TNPO2: variants seen among roughly 807,000 people sequenced by gnomAD.
TNPO2 encodes transportin 2, also known as transportin-2.
Under a neutral mutation model 111.1 loss-of-function variants are expected in TNPO2, and 16 were observed. That is an observed-to-expected ratio of 0.14 (90% CI 0.10 to 0.22). The LOEUF is 0.22. Ranked by LOEUF, TNPO2 falls within the 10% of genes least tolerant of loss-of-function variation. TNPO2 has a pLI of 1.00. For synonymous variants in TNPO2, 481 were observed against 475.8 expected (o/e 1.01, Z -0.14); for missense variants, 530 against 1,173.7 (o/e 0.45, Z 8.01).
chr19:12,707,702 T>C (rs1392779247), intron 13 of TNPO2, among the ~76,000 whole-genome samples: 3 of 151,912 alleles, frequency 2.0e-5, no homozygotes, highest in Non-Finnish European at 4.4e-5. Flanking sequence ...TTGGCTAGAC[T>C]GGTCTTAAAA....
At chr19:12,716,265 C>A (rs2026362257) in intron 5 of TNPO2, among the ~76,000 whole-genome samples, 1 of 152,102 alleles carries the variant, frequency 6.6e-6, no homozygotes, top group African/African-American at 2.4e-5. Context: ...CAGCACAGAG[C>A]AAAACACAAA....
chr19:12,708,373 C>T (rs1209289466), intron 13 of TNPO2, among the ~76,000 whole-genome samples: 2 of 146,204 alleles, frequency 1.4e-5, no homozygotes, highest in African/African-American at 2.5e-5. Flanking sequence ...ATCAGGTGAT[C>T]CACCCGCCTT....
chr19:12,702,928 C>A lies in TNPO2; in HGVS notation c.2210-10G>T. Reference sequence around the variant, plus strand: ...GGCTGCATCTCTGCCCCTGGGGGAGCACCCAGTCAGAGCCCTGCACAGCCC... The same window carrying A: ...GGCTGCATCTCTGCCCCTGGGGGAGAACCCAGTCAGAGCCCTGCACAGCCC... On this transcript the variant is annotated splice_polypyrimidine_tract_variant and intron_variant, in intron 20 of 25. Transcript: ENST00000425528. The surrounding 1 kb of genome is among the most constrained non-coding windows in gnomAD (Gnocchi z 5.5). 6.2e-7 allele frequency: 1 copy of A among 1,613,240 alleles called. No individual in the cohort carries two copies. The highest frequency in any genetic ancestry group is 8.5e-7 in the Non-Finnish European group (1 of 1,179,316).
At chr19:12,713,166 G>A (rs1022198833) in intron 10 of TNPO2, among the ~76,000 whole-genome samples, 2 of 152,146 alleles carry the variant, frequency 1.3e-5, no homozygotes, top group Non-Finnish European at 2.9e-5. Flanking sequence ...AGGGACATGC[G>A]GTCCTATTCC....
At chr19:12,709,311 A>G (rs8109840) in intron 13 of TNPO2, among the ~76,000 whole-genome samples, 23,809 of 152,060 alleles carry the variant, frequency 0.16, 5,694 homozygotes, top group African/African-American at 0.51. Flanking sequence ...GCAGTGAGCC[A>G]AGATCATGCC....
intron 10 of TNPO2, 73 bp downstream of exon 10, chr19:12,714,748 G>T: frequency 2.6e-6 from 3 of 1,172,286 alleles, no homozygotes; most frequent in African/African-American, 1.5e-5. Context: ...CACAGCAGGT[G>T]ACCAGAAGGG....
At position 12,700,840 on chromosome 19, in the gene TNPO2, G is replaced by A. The variant is rs926471787; in HGVS notation, c.*424C>T. On this transcript the variant is annotated 3_prime_UTR_variant, in exon 26 of 26. Transcript: ENST00000425528. ...CTCGCCGGTTATGGCACCCGCACAT[G>A]CGTGTGGCCATGTGTGTCCGTGTGA... 3 of 156,296 alleles carry A rather than the reference G, an allele frequency of 1.9e-5. No homozygotes were observed. Among genetic ancestry groups the A allele is most frequent in the African/African-American group, 7.2e-5 (3 of 41,518 alleles). 9.7% of individuals were successfully genotyped at this position (156,296 alleles called of 1,614,324 possible).
chr19:12,702,267 T>A lies in TNPO2; in HGVS notation c.2306-90A>T. On this transcript the variant is annotated intron_variant, in intron 21 of 25. Coordinates refer to ENST00000425528, the MANE Select transcript of TNPO2 (RefSeq NM_001382241.1). The surrounding 1 kb of genome is among the most constrained non-coding windows in gnomAD (Gnocchi z 5.5). ...GCCCCATGAGCCCCAAGGGAATGGC[T>A]ACTGCAGCCACCCTGGTCCCCCAAG... 1.8e-6 allele frequency: 2 copies of A among 1,132,672 alleles called. No homozygotes were observed. Among genetic ancestry groups the A allele is most frequent in the South Asian group, 1.4e-5 (1 of 73,508 alleles). 70.2% of individuals were successfully genotyped at this position (1,132,672 alleles called of 1,614,324 possible).
At chr19:12,707,517 T>C (rs2025766548) in intron 13 of TNPO2, among the ~76,000 whole-genome samples, 1 of 128,328 alleles carries the variant, frequency 7.8e-6, no homozygotes, top group Non-Finnish European at 1.6e-5. Flanking sequence ...TGAGATGGAG[T>C]CTTGCTCTGT....
Position 12,719,377 on chromosome 19 carries a change from C to T in TNPO2, c.100-41G>A, listed in dbSNP as rs1203379975. On this transcript the variant is annotated intron_variant, in intron 3 of 25. Transcript: ENST00000425528. The surrounding 1 kb of genome is among the most constrained non-coding windows in gnomAD (Gnocchi z 5.0). ...GGGACTTGGAAGACAGAGGCCTTCC[C>T]CCAGCCAGGTCCCCTCATTATGTAC... 1.3e-6 allele frequency: 2 copies of T among 1,563,468 alleles called. No homozygotes were observed. The highest frequency in any genetic ancestry group is 2.2e-5 in the South Asian group (2 of 89,470).
chr19:12,704,617 AC>A (rs1013694985), intron 18 of TNPO2, among the ~76,000 whole-genome samples: 35 of 152,206 alleles, frequency 2.3e-4, no homozygotes, highest in African/African-American at 6.8e-4. Flanking sequence ...GGGATGTAGA[AC>A]CCACAGATAC....
intron 3 of TNPO2, among the ~76,000 whole-genome samples, chr19:12,720,414 G>A (rs907548125): frequency 5.9e-5 from 9 of 151,990 alleles, no homozygotes; most frequent in African/African-American, 1.7e-4. Flanking sequence ...TCTACCTCCT[G>A]GGCTCTAGCC....
rs929163311 is a variant in TNPO2, at chr19:12,712,670, A to G, written c.891-1057T>C. On this transcript the variant is annotated intron_variant, in intron 10 of 25. Coordinates refer to ENST00000425528, the MANE Select transcript of TNPO2 (RefSeq NM_001382241.1). ...CCCCTGTCCAGTGGACACGTGACCC[A>G]TGTGACCTTACCTATCATTGGAGGT... Among the ~76,000 whole-genome samples, 10 of 152,290 alleles carry G rather than the reference A, an allele frequency of 6.6e-5. No homozygotes were observed. The East Asian group carries it at 1.9e-3, about 29-fold the overall frequency.
In TNPO2 at chr19:12,714,943, T is replaced by G. The variant is rs781674447; in HGVS notation, c.772-4A>C. 6.2e-7 allele frequency: 1 copy of G among 1,607,932 alleles called. No homozygotes were observed. Among genetic ancestry groups the G allele is most frequent in the South Asian group, 1.1e-5 (1 of 90,464 alleles). ...CCTGGGTCCTCTGCAGCATGTACTG[T>G]GGTAGGGGGGAGAAGCTGAGGCCTG... On this transcript the variant is annotated splice_polypyrimidine_tract_variant and splice_region_variant and intron_variant, in intron 9 of 25. Transcript: ENST00000425528.
chr19:12,715,342 C>T lies in TNPO2; in HGVS notation c.567-18G>A, dbSNP rs557583919. 3.2e-5 allele frequency: 51 copies of T among 1,613,684 alleles called. No individual in the cohort carries two copies. The highest frequency in any genetic ancestry group is 1.6e-4 in the Middle Eastern group (1 of 6,084). ...CGTGGGACCTGGCGGGGAGCAGACA[C>T]GTGGGTCACCCTGACCCTGCCCACT... On this transcript the variant is annotated intron_variant, in intron 7 of 25. Transcript: ENST00000425528. The surrounding 1 kb of genome is among the most constrained non-coding windows in gnomAD (Gnocchi z 7.1).
At chr19:12,717,365 G>A (rs892478644) in intron 5 of TNPO2, among the ~76,000 whole-genome samples, 1 of 144,880 alleles carries the variant, frequency 6.9e-6, no homozygotes, top group Admixed American at 7.2e-5. Context: ...TCCACCTCCC[G>A]AGTTCAGGTA....
At chr19:12,707,339 T>G (rs2025744258) in intron 13 of TNPO2, among the ~76,000 whole-genome samples, 1 of 152,164 alleles carries the variant, frequency 6.6e-6, no homozygotes. Context: ...CATGCATTAA[T>G]TCATGTGTTA....
intron 12 of TNPO2, among the ~76,000 whole-genome samples, chr19:12,711,007 G>A (rs2026007958): frequency 1.3e-5 from 2 of 152,116 alleles, no homozygotes; most frequent in South Asian, 4.1e-4. Flanking sequence ...CCGTTTTCCT[G>A]CCTCAGCCTC....
At chr19:12,714,536 T>A (rs1258367253) in intron 10 of TNPO2, among the ~76,000 whole-genome samples, 1 of 152,078 alleles carries the variant, frequency 6.6e-6, no homozygotes, top group Non-Finnish European at 1.5e-5. Flanking sequence ...CTGGTCTCGA[T>A]CTTCTGACCT....
Sources: allele counts gnomAD v4.1 joint callset (sites outside exome capture counted in the v4.1 genomes callset), GRCh38; gene constraint gnomAD v4.1.1; non-coding constraint Gnocchi (gnomAD v3.1); transcripts MANE v1.5; gene names NCBI Gene and HGNC (gene_info 2026-07-23, HGNC 2026-07-21).